Variants in SMAD2 observed in about 807,000 individuals in gnomAD.
The protein encoded by SMAD2 is MAD homolog 2.
A neutral mutation model predicts 64.4 loss-of-function variants in SMAD2; 8 were observed. The ratio of observed to expected loss-of-function variants is 0.12; its 90% CI spans 0.07 to 0.22. SMAD2 has a LOEUF of 0.22. Ranked by LOEUF, SMAD2 falls within the 10% of genes least tolerant of loss-of-function variation. SMAD2 has a pLI of 1.00. For missense variants in SMAD2, 289 were observed against 561.2 expected (o/e 0.51, Z 4.90); for synonymous variants, 203 against 195.8 (o/e 1.04, Z -0.31).
chr18:47,839,639 C>T lies in SMAD2; in HGVS notation c.*2188G>A, dbSNP rs1277732278. On this transcript the variant is annotated 3_prime_UTR_variant, in exon 11 of 11. Coordinates refer to ENST00000262160, the MANE Select transcript of SMAD2 (RefSeq NM_005901.6). ...GTTAGTGAGAATCACATGAAGCAGA[C>T]TATCACAAAATAAGGCCACCTTCAA... is the stretch of plus-strand genomic sequence containing the variant. The T allele has an allele frequency of 1.3e-5, 3 of 233,268 alleles. No homozygotes were observed. The highest frequency in any genetic ancestry group is 2.5e-5 in the Non-Finnish European group (3 of 118,048). The allele number at this position is 233,268 out of a possible 1,614,324, so 14.4% of individuals were successfully genotyped here. A position where few individuals can be genotyped will look rare whatever the true frequency, so the allele number is the denominator to read the frequency against.
At chr18:47,904,358 C>T (rs1256391807) in intron 1 of SMAD2, among the ~76,000 whole-genome samples, 4 of 151,614 alleles carry the variant, frequency 2.6e-5, no homozygotes, top group African/African-American at 9.7e-5. Context: ...AAGACATGTG[C>T]TGCTGAGTTG....
At chr18:47,868,530 C>T in intron 4 of SMAD2, 73 bp from the exon 5 acceptor site, 1 of 1,226,104 alleles carries the variant, frequency 8.2e-7, no homozygotes, top group Non-Finnish European at 1.2e-6. Flanking sequence ...TTAAAGTTTT[C>T]AACAAGAAGA....
intron 1 of SMAD2, among the ~76,000 whole-genome samples, chr18:47,897,282 A>C (rs998074538): frequency 6.6e-6 from 1 of 152,256 alleles, no homozygotes; most frequent in Non-Finnish European, 1.5e-5. Context: ...GAAAATGCGT[A>C]AAGTGTGAAG....
Position 47,817,607 on chromosome 18 carries a change from T to G in SMAD2, c.*24220A>C, listed in dbSNP as rs1436900138. Reference sequence around the variant, plus strand: ...TGGGCCACTGCGCCTGGCTGAGTACTCTGGATTCTGAGGCATGCCTTTTCT... The same window carrying G: ...TGGGCCACTGCGCCTGGCTGAGTACGCTGGATTCTGAGGCATGCCTTTTCT... On this transcript the variant is annotated 3_prime_UTR_variant, in exon 11 of 11. Transcript: ENST00000262160. The G allele has an allele frequency of 6.6e-6, 1 of 152,336 alleles. No individual in the cohort carries two copies. Among genetic ancestry groups the G allele is most frequent in the Non-Finnish European group, 1.5e-5 (1 of 68,124 alleles). The allele number at this position is 152,336 out of a possible 1,614,324, so 9.4% of individuals were successfully genotyped here. A position where few individuals can be genotyped will look rare whatever the true frequency, so the allele number is the denominator to read the frequency against.
At chr18:47,927,515 G>A (rs1428068534) in intron 1 of SMAD2, among the ~76,000 whole-genome samples, 1 of 152,238 alleles carries the variant, frequency 6.6e-6, no homozygotes, top group Non-Finnish European at 1.5e-5. Flanking sequence ...GGGTGTACTT[G>A]TTTGCTGTTA....
At chr18:47,913,733 A>G (rs572060445) in intron 1 of SMAD2, among the ~76,000 whole-genome samples, 9 of 152,234 alleles carry the variant, frequency 5.9e-5, no homozygotes, top group African/African-American at 2.2e-4. Flanking sequence ...AACTAGATTT[A>G]TAATCAAGTT....
intron 1 of SMAD2, among the ~76,000 whole-genome samples, chr18:47,928,650 T>C (rs544571944): frequency 6.6e-6 from 1 of 152,348 alleles, no homozygotes; most frequent in African/African-American, 2.4e-5. Flanking sequence ...TTACAGACTG[T>C]GTAGAGACAT....
Position 47,829,813 on chromosome 18 carries a change from T to C in SMAD2, c.*12014A>G, listed in dbSNP as rs1010368566. On this transcript the variant is annotated 3_prime_UTR_variant, in exon 11 of 11. Transcript: ENST00000262160. Reference sequence around the variant, plus strand: ...GTTTTACCAACAAATAATTTGTATGTTAAATTTAAGCATCTGAATTCCGAA... The same window carrying C: ...GTTTTACCAACAAATAATTTGTATGCTAAATTTAAGCATCTGAATTCCGAA... 14 of 152,242 alleles carry C rather than the reference T, an allele frequency of 9.2e-5. No individual in the cohort carries two copies. The highest frequency in any genetic ancestry group is 1.6e-4 in the Non-Finnish European group (11 of 68,044). 9.4% of individuals were successfully genotyped at this position (152,242 alleles called of 1,614,324 possible). A position where few individuals can be genotyped will look rare whatever the true frequency, so the allele number is the denominator to read the frequency against.
Position 47,896,687 on chromosome 18 carries a change from C to G in SMAD2, c.70G>C (p.Gly24Arg), listed in dbSNP as rs747301606. 2 of 1,614,158 alleles carry G rather than the reference C, an allele frequency of 1.2e-6. 1 individual carries two copies. Among genetic ancestry groups the G allele is most frequent in the South Asian group, 2.2e-5 (2 of 91,086 alleles). ...RLLGWKKSAG[G>R]SGGAGGGEQN... ...TCTCCTCCGCCTGCTCCTCCAGACC[C>G]ACCAGCTGACTTCTTCCATCCCAGC... Residue 24 changes from glycine to arginine, a missense_variant, in exon 2 of 11, where the codon GGG becomes CGG. Gly to Arg is a moderately radical substitution (Grantham distance 125). This residue lies in a region of SMAD2 where 89 missense variants were observed against 137.1 expected (regional missense o/e 0.65). Coordinates refer to ENST00000262160, the MANE Select transcript of SMAD2 (RefSeq NM_005901.6).
chr18:47,857,625 G>A (rs1864524866), intron 6 of SMAD2, among the ~76,000 whole-genome samples: 1 of 152,136 alleles, frequency 6.6e-6, no homozygotes, highest in Non-Finnish European at 1.5e-5. Context: ...AATTTACAGA[G>A]AGGGATGAGC....
chr18:47,873,974 A>G (rs544822741), intron 2 of SMAD2, among the ~76,000 whole-genome samples: 29 of 150,616 alleles, frequency 1.9e-4, no homozygotes, highest in Admixed American at 1.3e-4. Flanking sequence ...AAAGAGGCAC[A>G]AGGGAAAAAC....
Position 47,834,652 on chromosome 18 carries a change from G to A in SMAD2, c.*7175C>T, listed in dbSNP as rs1366336194. On this transcript the variant is annotated 3_prime_UTR_variant, in exon 11 of 11. Transcript: ENST00000262160. ...TAGGAAGTCCAGAAATACCTTAAAC[G>A]TGTTAACTTTAAGAAGAGTTGGTAG... is the stretch of plus-strand genomic sequence containing the variant. The A allele has an allele frequency of 3.8e-5, 6 of 157,192 alleles. No individual in the cohort carries two copies. Among genetic ancestry groups the A allele is most frequent in the African/African-American group, 6.2e-5 (2 of 32,118 alleles). 9.7% of individuals were successfully genotyped at this position (157,192 alleles called of 1,614,324 possible).
rs5824708 is a variant in SMAD2 at position 47,830,576 on chromosome 18, C to CAAAAAAAAAAAAAAAAAA, written c.*11233_*11250dup. 2.3e-3 allele frequency: 287 copies of CAAAAAAAAAAAAAAAAAA among 125,328 alleles called. 1 individual carries two copies. Among genetic ancestry groups the CAAAAAAAAAAAAAAAAAA allele is most frequent in the African/African-American group, 8.4e-3 (261 of 31,064 alleles). 7.8% of individuals were successfully genotyped at this position (125,328 alleles called of 1,614,324 possible). ...GGGCAACAGAGCAAGACTCTGTCTCCAAAAAAAAAAAAAAAAAATTCGTTT... is the reference window on the plus strand; with the variant it reads ...GGGCAACAGAGCAAGACTCTGTCTCCAAAAAAAAAAAAAAAAAAAAAAAAAAAAAAAAAAAATTCGTTT... On this transcript the variant is annotated 3_prime_UTR_variant, in exon 11 of 11. Coordinates refer to ENST00000262160, the MANE Select transcript of SMAD2 (RefSeq NM_005901.6).
chr18:47,903,634 C>A (rs937708912), intron 1 of SMAD2, among the ~76,000 whole-genome samples: 15 of 151,882 alleles, frequency 9.9e-5, no homozygotes, highest in Admixed American at 9.9e-4. Context: ...TGAATAAAAT[C>A]AGATAACTAT....
At chr18:47,874,824 G>A (rs1316065962) in intron 2 of SMAD2, among the ~76,000 whole-genome samples, 1 of 152,122 alleles carries the variant, frequency 6.6e-6, no homozygotes, top group Non-Finnish European at 1.5e-5. Context: ...ATGCATGCTT[G>A]TATGTGTATA....
chr18:47,925,155 C>G (rs2034714511), intron 1 of SMAD2, among the ~76,000 whole-genome samples: 1 of 152,210 alleles, frequency 6.6e-6, no homozygotes, highest in Admixed American at 6.5e-5. Context: ...ACAGAAGCAA[C>G]TAAAGTCTAT....
rs1912287941 is a variant in SMAD2 at position 47,813,993 on chromosome 18, G to A, written c.*27834C>T. 6.6e-6 allele frequency: 1 copy of A among 152,080 alleles called. No homozygotes were observed. The highest frequency in any genetic ancestry group is 1.5e-5 in the Non-Finnish European group (1 of 68,048). 9.4% of individuals were successfully genotyped at this position (152,080 alleles called of 1,614,324 possible). A position where few individuals can be genotyped will look rare whatever the true frequency, so the allele number is the denominator to read the frequency against. ...TTTGGGGAGGGAAAGAAAAGTCTGT[G>A]GTGGAGGTGATAACCTGAACTTGGC... On this transcript the variant is annotated 3_prime_UTR_variant, in exon 11 of 11. Transcript: ENST00000262160.
intron 1 of SMAD2, among the ~76,000 whole-genome samples, chr18:47,913,764 T>C (rs1466317098): frequency 1.3e-5 from 2 of 152,104 alleles, no homozygotes; most frequent in African/African-American, 4.8e-5. Flanking sequence ...CGTGAATGAG[T>C]CATTTACAGA....
intron 2 of SMAD2, among the ~76,000 whole-genome samples, chr18:47,876,912 A>ATATT (rs758604999): frequency 2.0e-5 from 3 of 152,098 alleles, no homozygotes; most frequent in Non-Finnish European, 4.4e-5. Context: ...AAGGATATAG[A>ATATT]TATTTATTCA....
Sources: allele counts gnomAD v4.1 joint callset (sites outside exome capture counted in the v4.1 genomes callset), GRCh38; gene constraint gnomAD v4.1.1; regional missense constraint gnomAD v4.1.1; transcripts MANE v1.5; gene names NCBI Gene and HGNC (gene_info 2026-07-23, HGNC 2026-07-21).